Variants in CC2D2A observed in about 807,000 individuals in gnomAD.
CC2D2A encodes the protein coiled-coil and C2 domain-containing protein 2A.
In CC2D2A, 155 loss-of-function variants were observed where a neutral mutation model predicts 212.9. That is an observed-to-expected ratio of 0.73 (90% CI 0.64 to 0.83). The LOEUF is 0.83. Ranked by LOEUF, CC2D2A falls within the 40% of genes least tolerant of loss-of-function variation. CC2D2A has a pLI of 0.00. For missense variants in CC2D2A, 1,856 were observed against 1,956.2 expected (o/e 0.95, Z 0.97); for synonymous variants, 667 against 686.5 (o/e 0.97, Z 0.44).
chr4:15,484,099 A>G (rs1477176822), intron 4 of CC2D2A, among the ~76,000 whole-genome samples: 1 of 152,230 alleles, frequency 6.6e-6, no homozygotes, highest in African/African-American at 2.4e-5. Flanking sequence ...AATGAAGTAA[A>G]CTAGATAAAC....
At chr4:15,546,903 T>G (rs576571542) in intron 17 of CC2D2A, among the ~76,000 whole-genome samples, 80 of 152,138 alleles carry the variant, frequency 5.3e-4, no homozygotes, top group Middle Eastern at 6.8e-3. Flanking sequence ...AACTGGGAAA[T>G]CTCTAGGAAA....
chr4:15,558,658 G>C (rs1719413079), intron 21 of CC2D2A, among the ~76,000 whole-genome samples: 1 of 152,052 alleles, frequency 6.6e-6, no homozygotes, highest in Non-Finnish European at 1.5e-5. Context: ...TGACCAAAGA[G>C]TGGGATTAGA....
At chr4:15,503,180 G>C (rs1716063492) in intron 6 of CC2D2A, among the ~76,000 whole-genome samples, 2 of 151,910 alleles carry the variant, frequency 1.3e-5, no homozygotes, top group South Asian at 4.2e-4. Flanking sequence ...GCTTGTGCCT[G>C]TAGTCCCAGC....
chr4:15,594,805 G>T (rs1024481722), intron 33 of CC2D2A, among the ~76,000 whole-genome samples: 10 of 152,008 alleles, frequency 6.6e-5, no homozygotes, highest in African/African-American at 2.4e-4. Flanking sequence ...CTTGGTTTTT[G>T]TTGTTGTTGT....
intron 28 of CC2D2A, among the ~76,000 whole-genome samples, chr4:15,571,557 C>T (rs574727878): frequency 2.9e-4 from 44 of 150,962 alleles, no homozygotes; most frequent in African/African-American, 1.0e-3. Context: ...GAGCTGAGAT[C>T]GCACCACTGC....
chr4:15,521,481 GA>G (rs989525396), intron 11 of CC2D2A, among the ~76,000 whole-genome samples: 5 of 150,010 alleles, frequency 3.3e-5, no homozygotes, highest in Non-Finnish European at 4.4e-5. Flanking sequence ...TTGCCTTTAA[GA>G]AAAAAAAAAT....
intron 28 of CC2D2A, 41 bp from the exon 29 acceptor site, chr4:15,574,109 A>AAAAG (rs1437762152): frequency 6.8e-7 from 1 of 1,470,440 alleles, no homozygotes; most frequent in East Asian, 2.5e-5. Context: ...TTCTGTTGGA[A>AAAAG]AAAGCATCAG....
intron 4 of CC2D2A, among the ~76,000 whole-genome samples, chr4:15,501,335 C>A (rs902686544): frequency 1.3e-5 from 2 of 152,148 alleles, no homozygotes; most frequent in African/African-American, 4.8e-5. Flanking sequence ...CTTCCTATCT[C>A]ACACCAGGAC....
intron 14 of CC2D2A, among the ~76,000 whole-genome samples, chr4:15,535,462 T>C (rs749186919): frequency 5.9e-5 from 9 of 152,192 alleles, no homozygotes; most frequent in African/African-American, 9.7e-5. Flanking sequence ...CCAAATTCTT[T>C]TGGAGTACCC....
chr4:15,562,508 G>A (rs1037135470), intron 23 of CC2D2A, among the ~76,000 whole-genome samples: 1 of 152,186 alleles, frequency 6.6e-6, no homozygotes, highest in African/African-American at 2.4e-5. Flanking sequence ...AGAGACATGA[G>A]AGAAGGAGTC....
chr4:15,498,477 T>C (rs988735736), intron 4 of CC2D2A, among the ~76,000 whole-genome samples: 6 of 152,150 alleles, frequency 3.9e-5, no homozygotes, highest in African/African-American at 1.4e-4. Context: ...TTTTTGTAAA[T>C]GTGAAATTAA....
chr4:15,574,306 G>A lies in CC2D2A; in HGVS notation c.3751G>A (p.Gly1251Arg), dbSNP rs368180778. Residue 1251 changes from glycine (G) to arginine (R), a missense_variant, in exon 29 of 37, where the codon GGA becomes AGA. Around this residue, in one of 5 missense-constraint regions of CC2D2A, gnomAD observed 1,512 missense variants for 1,579.3 expected, o/e 0.96. Coordinates refer to ENST00000424120, the MANE Select transcript of CC2D2A (RefSeq NM_001378615.1). ...FITIEPQLVP[G>R]ESIREKFESQ... ...TACCATTGAGCCCCAGCTGGTTCCT[G>A]GAGAGTCCATTCGAGAAAAGGTAAC... 28 of 1,549,538 alleles carry A rather than the reference G, an allele frequency of 1.8e-5. No individual in the cohort carries two copies. The African/African-American group carries it at 3.6e-4, about 20-fold the overall frequency.
At chr4:15,575,519 G>A (rs1194080634) in intron 29 of CC2D2A, among the ~76,000 whole-genome samples, 1 of 152,094 alleles carries the variant, frequency 6.6e-6, no homozygotes, top group African/African-American at 2.4e-5. Flanking sequence ...ACAGATTATT[G>A]TGCTTACTCT....
chr4:15,595,001 T>TG lies in CC2D2A; in HGVS notation c.4315-1078dup, dbSNP rs201268957. 3.2e-3 allele frequency among the ~76,000 whole-genome samples: 488 copies of TG among 152,136 alleles called. 1 individual carries two copies. The highest frequency in any genetic ancestry group is 0.011 in the African/African-American group (452 of 41,502). On this transcript the variant is annotated intron_variant, in intron 33 of 36. Transcript: ENST00000424120. ...AAAAAAAAAATTTTTTTTTAAGAGA[T>TG]GGGGGGTCTCACTATGCTGTCCAGA...
At position 15,563,519 on chromosome 4, in the gene CC2D2A, T is replaced by C; in HGVS notation, c.3179T>C (p.Val1060Ala). 4 of 1,611,350 alleles carry C rather than the reference T, an allele frequency of 2.5e-6. No individual in the cohort carries two copies. The highest frequency in any genetic ancestry group is 3.4e-6 in the Non-Finnish European group (4 of 1,178,934). The change falls in exon 24 of 37, where the codon GTG (valine) becomes GCG (alanine). Residue 1060 changes from valine (V) to alanine (A), a missense_variant. Val to Ala is a moderately conservative substitution (Grantham distance 64). This residue lies in a region of CC2D2A where 1,512 missense variants were observed against 1,579.3 expected (regional missense o/e 0.96). Coordinates refer to ENST00000424120, the MANE Select transcript of CC2D2A (RefSeq NM_001378615.1). ...AYDIPVRKPA[V>A]SKFQQPSRSS... ...GACATTCCAGTGAGGAAGCCGGCAGTGAGGTGAGAGCCCTCCCAACAGCCC... is the reference window on the plus strand; with the variant it reads ...GACATTCCAGTGAGGAAGCCGGCAGCGAGGTGAGAGCCCTCCCAACAGCCC...
chr4:15,487,673 C>G (rs906983169), intron 4 of CC2D2A, among the ~76,000 whole-genome samples: 5 of 151,972 alleles, frequency 3.3e-5, no homozygotes, highest in Non-Finnish European at 5.9e-5. Context: ...CAGGGAGGGA[C>G]TTACTACTGC....
chr4:15,506,456 T>TA (rs1395588068), intron 6 of CC2D2A, among the ~76,000 whole-genome samples: 1 of 152,180 alleles, frequency 6.6e-6, no homozygotes, highest in Non-Finnish European at 1.5e-5. Flanking sequence ...AACCTAATTA[T>TA]TTTCTAGATT....
At chr4:15,551,157 C>A (rs1018776179) in intron 18 of CC2D2A, among the ~76,000 whole-genome samples, 177 bp downstream of exon 18, 1 of 152,146 alleles carries the variant, frequency 6.6e-6, no homozygotes, top group Non-Finnish European at 1.5e-5. Flanking sequence ...CTGTTGGTGA[C>A]AATGTAAGTG....
intron 29 of CC2D2A, among the ~76,000 whole-genome samples, chr4:15,578,669 A>T (rs1482564770): frequency 1.3e-5 from 2 of 152,218 alleles, no homozygotes; most frequent in African/African-American, 4.8e-5. Context: ...TCTGTTGCCC[A>T]GGTTGGAGTG....
Sources: gnomAD v4.1 joint callset for allele counts (sites outside exome capture counted in the v4.1 genomes callset) on GRCh38, gnomAD v4.1.1 for gene constraint, gnomAD v4.1.1 regional missense constraint, MANE v1.5 for transcripts, NCBI Gene and HGNC (gene_info 2026-07-23, HGNC 2026-07-21) for gene names.